Variants in TP53BP2 observed in about 807,000 individuals in gnomAD.
The protein encoded by TP53BP2 is apoptosis-stimulating of p53 protein 2.
Under a neutral mutation model 126.2 loss-of-function variants are expected in TP53BP2, and 62 were observed. The ratio of observed to expected loss-of-function variants is 0.49; its 90% confidence interval spans 0.40 to 0.61. The LOEUF (loss-of-function observed/expected upper bound fraction) is 0.61, where lower values mean the gene tolerates loss of function less well. TP53BP2 is among the 20% of genes least tolerant of loss of function. TP53BP2 has a pLI of 0.00. For synonymous variants in TP53BP2, 485 were observed against 502.9 expected, an observed-to-expected ratio of 0.96 and a Z score of 0.48; for missense variants, 1,215 against 1,402.8, an observed-to-expected ratio of 0.87 and a Z score of 2.14.
intron 4 of TP53BP2, 133 bp from the exon 5 acceptor site, chr1:223,807,080 A>G (rs1015068049): frequency 3.4e-6 from 2 of 595,094 alleles, no homozygotes; most frequent in African/African-American, 3.8e-5. Context: ...TTTTTCTTTC[A>G]TAATATCAAG....
In TP53BP2 at chr1:223,800,741, G is replaced by C. The variant is rs377118634; in HGVS notation, c.1295C>G (p.Ser432Cys). ...CCCAGTGCTTTGAGGTACAGAAGCA[G>C]AGCCTTGGCTTGGGAAAAGATCTGC... Reference protein sequence around the residue: ...SNADLFPSQGSASVPQSTGNA... With the variant: ...SNADLFPSQGCASVPQSTGNA... The change falls in exon 10 of 18, where the codon TCT becomes TGT. Residue 432 changes from serine to cysteine, a missense_variant. Coordinates refer to ENST00000343537, the MANE Select transcript of TP53BP2 (RefSeq NM_001031685.3). The C allele has an allele frequency of 4.3e-6, 7 of 1,610,336 alleles. No individual in the cohort carries two copies. Among genetic ancestry groups the C allele is most frequent in the Non-Finnish European group, 5.1e-6 (6 of 1,179,176 alleles).
chr1:223,780,847 G>A lies in TP53BP2; in HGVS notation c.*6C>T. On this transcript the variant is annotated 3_prime_UTR_variant, in exon 18 of 18. Coordinates refer to ENST00000343537, the MANE Select transcript of TP53BP2 (RefSeq NM_001031685.3). ...TCTTCATTGACTAAAATTCTGTGTG[G>A]AAGTTTCAGGCCAAGCTCCTTTGTC... 6.2e-7 allele frequency: 1 copy of A among 1,613,258 alleles called. No individual in the cohort carries two copies. Among genetic ancestry groups the A allele is most frequent in the Non-Finnish European group, 8.5e-7 (1 of 1,179,836 alleles).
chr1:223,824,487 G>A (rs960971606), intron 1 of TP53BP2, among the ~76,000 whole-genome samples: 9 of 152,152 alleles, frequency 5.9e-5, no homozygotes, highest in African/African-American at 2.2e-4. Flanking sequence ...TCCCAGGCAG[G>A]AGATCTAGTT....
chr1:223,828,861 G>T (rs749573492), intron 1 of TP53BP2, among the ~76,000 whole-genome samples: 2 of 152,118 alleles, frequency 1.3e-5, no homozygotes, highest in Non-Finnish European at 2.9e-5. Context: ...AAGGTATGGG[G>T]TTTCTTTCTC....
intron 11 of TP53BP2, among the ~76,000 whole-genome samples, chr1:223,798,894 A>C (rs1426799518): frequency 2.0e-5 from 3 of 151,688 alleles, no homozygotes; most frequent in African/African-American, 7.3e-5. Flanking sequence ...ATATGGTGAA[A>C]CCCCGTCTCT....
chr1:223,815,385 C>T (rs935955266), intron 2 of TP53BP2, among the ~76,000 whole-genome samples: 3 of 152,138 alleles, frequency 2.0e-5, no homozygotes, highest in South Asian at 2.1e-4. Context: ...TATTCTAAGA[C>T]CTCCCCCAAA....
intron 10 of TP53BP2, among the ~76,000 whole-genome samples, chr1:223,800,495 C>T (rs567312894): frequency 6.6e-6 from 1 of 152,156 alleles, no homozygotes; most frequent in African/African-American, 2.4e-5. Context: ...GTAGGAGAAT[C>T]ACTTGAGCCC....
chr1:223,781,627 T>C (rs1379970377), intron 17 of TP53BP2, among the ~76,000 whole-genome samples: 1 of 152,068 alleles, frequency 6.6e-6, no homozygotes. Flanking sequence ...TACATCCCAA[T>C]TAAAAAATTT....
intron 4 of TP53BP2, among the ~76,000 whole-genome samples, chr1:223,809,729 T>TG (rs1426484619): frequency 2.6e-5 from 4 of 152,164 alleles, no homozygotes; most frequent in Non-Finnish European, 5.9e-5. Context: ...TAATCCCTAA[T>TG]GGCACTAAAA....
chr1:223,835,927 C>T (rs1014190557), intron 1 of TP53BP2, among the ~76,000 whole-genome samples: 2 of 151,946 alleles, frequency 1.3e-5, no homozygotes, highest in East Asian at 3.9e-4. Flanking sequence ...AAAAAAAATC[C>T]CCTCCAAGCA....
intron 13 of TP53BP2, among the ~76,000 whole-genome samples, chr1:223,795,165 T>G (rs1225843956): frequency 3.9e-5 from 6 of 152,154 alleles, no homozygotes; most frequent in Non-Finnish European, 8.8e-5. Context: ...GAAGGTGCAC[T>G]CAAGCCAAAA....
At chr1:223,791,099 T>C (rs1662139850) in intron 15 of TP53BP2, among the ~76,000 whole-genome samples, 1 of 152,004 alleles carries the variant, frequency 6.6e-6, no homozygotes, top group African/African-American at 2.4e-5. Context: ...TACATATGTA[T>C]TAGGAGCTTA....
rs561464221 is a variant in TP53BP2 at position 223,797,746 on chromosome 1, CACAT to C, written c.1948+465_1948+468del. Among the ~76,000 whole-genome samples the C allele has an allele frequency of 2.2e-3, 333 of 151,760 alleles. 16 individuals carry two copies. In the South Asian group the frequency reaches 0.065, roughly 30 times the overall value. ...ATAAAGACATATAGACACAGACACA[CACAT>C]ACAGAGACACACATATATATATGTG... On this transcript the variant is annotated intron_variant, in intron 12 of 17. Coordinates refer to ENST00000343537, the MANE Select transcript of TP53BP2 (RefSeq NM_001031685.3).
chr1:223,826,531 C>T (rs764496225), intron 1 of TP53BP2, among the ~76,000 whole-genome samples: 17 of 152,154 alleles, frequency 1.1e-4, no homozygotes, highest in East Asian at 1.9e-4. Flanking sequence ...TCAGGAGCTG[C>T]GGGAAGGGGA....
chr1:223,810,651 G>A (rs575692905), intron 3 of TP53BP2, 138 bp from the exon 4 acceptor site: 2 of 653,640 alleles, frequency 3.1e-6, no homozygotes, highest in South Asian at 4.7e-5. Flanking sequence ...TTTTCTAATA[G>A]CAATGGACTT....
chr1:223,817,593 G>A (rs1212104250), intron 2 of TP53BP2, among the ~76,000 whole-genome samples: 1 of 152,030 alleles, frequency 6.6e-6, no homozygotes, highest in Non-Finnish European at 1.5e-5. Flanking sequence ...TAAAGCAATT[G>A]TTAGCTCAAC....
intron 14 of TP53BP2, among the ~76,000 whole-genome samples, chr1:223,792,994 T>C (rs1222316469): frequency 2.0e-5 from 3 of 152,088 alleles, no homozygotes; most frequent in Non-Finnish European, 4.4e-5. Flanking sequence ...TAATGATCTC[T>C]CTTAAGAAAG....
At position 223,845,810 on chromosome 1, in the gene TP53BP2, GC is replaced by G; in HGVS notation, c.-131del. On this transcript the variant is annotated 5_prime_UTR_variant, in exon 1 of 18. Coordinates refer to ENST00000343537, the MANE Select transcript of TP53BP2 (RefSeq NM_001031685.3). ...AGGCGGCGGCGGCGGCAGCGGCGGC[GC>G]GCGGGTCCGAAGGGCCCTCCGCGCG... is the stretch of plus-strand genomic sequence containing the variant. 2.3e-6 allele frequency: 2 copies of G among 887,024 alleles called. No homozygotes were observed. Among genetic ancestry groups the G allele is most frequent in the Non-Finnish European group, 2.9e-6 (2 of 683,370 alleles). 54.9% of individuals were successfully genotyped at this position (887,024 alleles called of 1,614,324 possible). A position where few individuals can be genotyped will look rare whatever the true frequency, so the allele number is the denominator to read the frequency against.
intron 16 of TP53BP2, among the ~76,000 whole-genome samples, chr1:223,785,654 T>C (rs1337335562): frequency 6.6e-6 from 1 of 152,232 alleles, no homozygotes; most frequent in Non-Finnish European, 1.5e-5. Flanking sequence ...TCCAAAGTGC[T>C]GGGATTACAG....
Sources: gnomAD v4.1 joint callset for allele counts (sites outside exome capture counted in the v4.1 genomes callset) on GRCh38, gnomAD v4.1.1 for gene constraint, MANE v1.5 for transcripts, NCBI Gene and HGNC (gene_info 2026-07-23, HGNC 2026-07-21) for gene names.